SLC8A1: variants seen among roughly 807,000 people sequenced by gnomAD.
SLC8A1 encodes sodium/calcium exchanger 1.
In SLC8A1, 18 loss-of-function variants were observed where a neutral mutation model predicts 68.3. The ratio of observed to expected loss-of-function variants is 0.26; its 90% CI spans 0.18 to 0.39. SLC8A1 has a LOEUF of 0.39. SLC8A1 is among the 10% of genes least tolerant of loss of function. The pLI is 1.00. For synonymous variants in SLC8A1, 475 were observed against 415.5 expected (o/e 1.14, Z -1.74); for missense variants, 985 against 1,156.7 (o/e 0.85, Z 2.15).
intron 2 of SLC8A1, among the ~76,000 whole-genome samples, chr2:40,222,962 A>G (rs998866453): frequency 2.0e-5 from 3 of 152,342 alleles, no homozygotes; most frequent in South Asian, 2.1e-4. Context: ...AAGTGTGGCG[A>G]TTCCTCAAGG....
chr2:40,353,513 A>G (rs911084859), intron 2 of SLC8A1, among the ~76,000 whole-genome samples: 10 of 152,116 alleles, frequency 6.6e-5, no homozygotes, highest in Non-Finnish European at 1.3e-4. Flanking sequence ...CCTCATTACA[A>G]CATCGCTAAC....
intron 5 of SLC8A1, among the ~76,000 whole-genome samples, chr2:40,161,298 T>C (rs1056617730): frequency 6.6e-6 from 1 of 152,208 alleles, no homozygotes; most frequent in African/African-American, 2.4e-5. Flanking sequence ...AATATTGCTA[T>C]TGTATTTTGT....
At chr2:40,505,380 G>C (rs2149941000) in intron 1 of SLC8A1, among the ~76,000 whole-genome samples, 1 of 151,926 alleles carries the variant, frequency 6.6e-6, no homozygotes, top group Non-Finnish European at 1.5e-5. Flanking sequence ...AGATGCTTGA[G>C]GCGATGGATA....
intron 2 of SLC8A1, among the ~76,000 whole-genome samples, chr2:40,234,771 C>G (rs1214072550): frequency 6.6e-6 from 1 of 152,098 alleles, no homozygotes; most frequent in East Asian, 1.9e-4. Flanking sequence ...TGAAATACGT[C>G]CCATCAATAC....
At chr2:40,114,607 A>G (rs1174580300) in exon 8 of SLC8A1, 1 of 152,760 alleles carries the variant, frequency 6.5e-6, no homozygotes, top group Non-Finnish European at 1.5e-5. Flanking sequence ...CTATTTCTAG[A>G]ACCATCGGAT....
chr2:40,340,902 G>C (rs555561000), intron 2 of SLC8A1, among the ~76,000 whole-genome samples: 3 of 152,272 alleles, frequency 2.0e-5, no homozygotes, highest in South Asian at 4.2e-4. Context: ...CTGGAGACTT[G>C]TACTAAAGGC....
At chr2:40,385,858 TA>T (rs370863990) in intron 2 of SLC8A1, among the ~76,000 whole-genome samples, 24 of 150,988 alleles carry the variant, frequency 1.6e-4, no homozygotes, top group East Asian at 3.9e-4. Context: ...AATGTCCAAA[TA>T]AAAAAAAGTA....
chr2:40,365,805 A>C (rs1399961647), intron 2 of SLC8A1, among the ~76,000 whole-genome samples: 1 of 152,006 alleles, frequency 6.6e-6, no homozygotes, highest in East Asian at 1.9e-4. Context: ...GTTCAAGACC[A>C]AACTGGGCAA....
chr2:40,234,983 G>C (rs539791713), intron 2 of SLC8A1, among the ~76,000 whole-genome samples: 4 of 152,116 alleles, frequency 2.6e-5, no homozygotes, highest in African/African-American at 9.7e-5. Context: ...TTTTTGATGT[G>C]CTGCTGGATT....
At chr2:40,154,129 C>A (rs965590203) in intron 6 of SLC8A1, among the ~76,000 whole-genome samples, 4 of 152,000 alleles carry the variant, frequency 2.6e-5, no homozygotes, top group Admixed American at 1.3e-4. Context: ...AGTTACGTAA[C>A]CACTCTGGGC....
chr2:40,229,094 C>A (rs1213811172), intron 2 of SLC8A1, among the ~76,000 whole-genome samples: 1 of 152,024 alleles, frequency 6.6e-6, no homozygotes, highest in Non-Finnish European at 1.5e-5. Flanking sequence ...ATAACCATAA[C>A]CATAAAGCTG....
At chr2:40,490,129 A>C (rs563210505) in intron 1 of SLC8A1, among the ~76,000 whole-genome samples, 1 of 152,144 alleles carries the variant, frequency 6.6e-6, no homozygotes, top group Non-Finnish European at 1.5e-5. Context: ...TTGCGTGGAT[A>C]TCTTACTTAT....
At chr2:40,308,468 A>G (rs115165249) in intron 2 of SLC8A1, among the ~76,000 whole-genome samples, 2,172 of 152,212 alleles carry the variant, frequency 0.014, 53 homozygotes, top group African/African-American at 0.05. Context: ...GTAACCAAAG[A>G]CTTCGTGGTT....
exon 8 of SLC8A1, chr2:40,112,279 T>C (rs891343352): frequency 3.3e-5 from 5 of 152,588 alleles, no homozygotes; most frequent in African/African-American, 9.7e-5. Flanking sequence ...AGAAACTTTA[T>C]TTGTCTGTGT....
chr2:40,425,736 A>G (rs906438760), intron 2 of SLC8A1, among the ~76,000 whole-genome samples: 1 of 151,866 alleles, frequency 6.6e-6, no homozygotes, highest in African/African-American at 2.4e-5. Context: ...CCATTGCACG[A>G]TGACAAACTC....
At chr2:40,292,983 C>T (rs532273204) in intron 2 of SLC8A1, among the ~76,000 whole-genome samples, 3 of 152,234 alleles carry the variant, frequency 2.0e-5, no homozygotes, top group East Asian at 1.9e-4. Flanking sequence ...GCCTTTCCAT[C>T]TTAACTCTGG....
chr2:40,477,450 G>A (rs144545045), intron 1 of SLC8A1, among the ~76,000 whole-genome samples: 4 of 152,012 alleles, frequency 2.6e-5, no homozygotes, highest in Admixed American at 2.0e-4. Flanking sequence ...TGTCCTACAC[G>A]GTTGAAAAGA....
intron 2 of SLC8A1, among the ~76,000 whole-genome samples, chr2:40,313,265 T>C (rs1213235812): frequency 9.2e-5 from 14 of 152,150 alleles, no homozygotes; most frequent in Admixed American, 6.6e-4. Flanking sequence ...TGTTGTGTGA[T>C]ATATAAATAG....
Position 40,363,780 on chromosome 2 carries a change from C to G in SLC8A1, c.1808+64693G>C, listed in dbSNP as rs541818235. Among the ~76,000 whole-genome samples, 7 of 152,120 alleles carry G rather than the reference C, an allele frequency of 4.6e-5. No homozygotes were observed. In the South Asian group the frequency reaches 1.0e-3, roughly 23 times the overall value. ...GTTATGAGGACTGTGCCTACTGACGCAAATACAGCATTGTATTTGGGCCCT... is the reference window on the plus strand; with the variant it reads ...GTTATGAGGACTGTGCCTACTGACGGAAATACAGCATTGTATTTGGGCCCT... On this transcript the variant is annotated intron_variant, in intron 2 of 7. Coordinates refer to ENST00000406785, the Ensembl canonical transcript of SLC8A1.
Sources: gnomAD v4.1 joint callset for allele counts (sites outside exome capture counted in the v4.1 genomes callset) on GRCh38, gnomAD v4.1.1 for gene constraint, MANE v1.5 for transcripts, NCBI Gene and HGNC (gene_info 2026-07-23, HGNC 2026-07-21) for gene names.